The following CACNA1E variants were observed in gnomAD, a reference collection of about 807,000 sequenced individuals.
CACNA1E encodes the protein voltage-dependent R-type calcium channel subunit alpha-1E.
In CACNA1E, 40 loss-of-function variants were observed where a neutral mutation model predicts 259.2. The ratio of observed to expected loss-of-function variants is 0.15; its 90% CI spans 0.12 to 0.20. The LOEUF (loss-of-function observed/expected upper bound fraction) is 0.20. Among genes scored for constraint, CACNA1E ranks in the 10% least tolerant of loss-of-function variants. The probability of loss-of-function intolerance (pLI) is 1.00; values close to 1 mark genes in which losing one functional copy is unlikely to be tolerated. For synonymous variants in CACNA1E, 1,104 were observed against 1,138.5 expected, an observed-to-expected ratio of 0.97 and a Z score of 0.61; for missense variants, 1,874 against 3,040.1, an observed-to-expected ratio of 0.62 and a Z score of 9.02.
At chr1:181,682,776 C>T (rs934238790) in intron 7 of CACNA1E, among the ~76,000 whole-genome samples, 1 of 152,146 alleles carries the variant, frequency 6.6e-6, no homozygotes, top group African/African-American at 2.4e-5. Flanking sequence ...GGAGGTGCTA[C>T]ACACTTTTAA....
chr1:181,407,654 C>T (rs1248165515), intron 1 of CACNA1E, among the ~76,000 whole-genome samples: 4 of 152,198 alleles, frequency 2.6e-5, no homozygotes, highest in Non-Finnish European at 5.9e-5. Context: ...CCAGCTTTTA[C>T]TCCTCCTTTT....
chr1:181,509,149 G>A (rs1177963213), intron 1 of CACNA1E, among the ~76,000 whole-genome samples: 1 of 152,148 alleles, frequency 6.6e-6, no homozygotes, highest in Non-Finnish European at 1.5e-5. Flanking sequence ...CTCACACACA[G>A]CCAGCATCTC....
intron 22 of CACNA1E, among the ~76,000 whole-genome samples, chr1:181,736,922 G>A (rs939511067): frequency 4.6e-5 from 7 of 152,186 alleles, no homozygotes; most frequent in Non-Finnish European, 1.0e-4. Context: ...ATGAAGTGGG[G>A]GTGACAGAGC....
chr1:181,381,082 C>T (rs763692825), intron 1 of CACNA1E, among the ~76,000 whole-genome samples: 19 of 151,974 alleles, frequency 1.3e-4, no homozygotes, highest in Non-Finnish European at 2.4e-4. Context: ...AGGAGAATCG[C>T]TTGAACCCAG....
chr1:181,610,615 T>A (rs1045020237), intron 6 of CACNA1E, among the ~76,000 whole-genome samples: 1 of 152,246 alleles, frequency 6.6e-6, no homozygotes, highest in African/African-American at 2.4e-5. Context: ...CTTGTGAATT[T>A]GATCATCTAA....
At chr1:181,497,066 C>G (rs965403941) in intron 1 of CACNA1E, among the ~76,000 whole-genome samples, 9 of 152,122 alleles carry the variant, frequency 5.9e-5, no homozygotes, top group Non-Finnish European at 8.8e-5. Flanking sequence ...AGCACCCTCC[C>G]TTCTCATAGA....
chr1:181,679,889 G>A (rs767766305), intron 7 of CACNA1E, among the ~76,000 whole-genome samples: 8 of 152,054 alleles, frequency 5.3e-5, no homozygotes, highest in African/African-American at 1.7e-4. Context: ...GAGGCTGAGC[G>A]GGGAGAATCA....
intron 18 of CACNA1E, among the ~76,000 whole-genome samples, chr1:181,728,366 T>C (rs1264909371): frequency 6.6e-6 from 1 of 152,202 alleles, no homozygotes; most frequent in Non-Finnish European, 1.5e-5. Context: ...GCCGTGGGAA[T>C]TGAGCAGAGT....
upstream of CACNA1E, among the ~76,000 whole-genome samples, chr1:181,479,786 G>A (rs1192985642): frequency 6.6e-6 from 1 of 152,204 alleles, no homozygotes; most frequent in Non-Finnish European, 1.5e-5. Context: ...AAGAGCCGCA[G>A]ATTGGAAGTC....
chr1:181,368,947 A>G (rs1447823235), intron 1 of CACNA1E, among the ~76,000 whole-genome samples: 2 of 152,202 alleles, frequency 1.3e-5, no homozygotes, highest in African/African-American at 4.8e-5. Context: ...GATATATGCA[A>G]AGCACTGGGC....
At position 181,511,414 on chromosome 1, in the gene CACNA1E, C is replaced by G; in HGVS notation, c.416C>G (p.Ala139Gly). Residue 139 changes from alanine to glycine, a missense_variant, in exon 3 of 48, where the codon GCT becomes GGT. Physicochemically the swap from Ala to Gly is moderately conservative, Grantham distance 60. Around this residue, in one of 14 missense-constraint regions of CACNA1E, gnomAD observed 55 missense variants for 156.5 expected, o/e 0.35. Coordinates refer to ENST00000367573, the MANE Select transcript of CACNA1E (RefSeq NM_001205293.3). The part of the protein sequence containing the change: ...PYFIGIFCFE[A>G]GIKIVALGFI... Reference sequence around the variant, plus strand: ...TTCATTGGGATCTTTTGCTTTGAAGCTGGGATCAAAATTGTGGCCCTGGGG... The same window carrying G: ...TTCATTGGGATCTTTTGCTTTGAAGGTGGGATCAAAATTGTGGCCCTGGGG... 6.2e-7 allele frequency: 1 copy of G among 1,613,986 alleles called. No homozygotes were observed. Among genetic ancestry groups the G allele is most frequent in the Non-Finnish European group, 8.5e-7 (1 of 1,179,882 alleles).
intron 6 of CACNA1E, among the ~76,000 whole-genome samples, chr1:181,588,369 A>G (rs1315174646): frequency 1.3e-5 from 2 of 152,168 alleles, no homozygotes; most frequent in Admixed American, 6.5e-5. Context: ...TAAACCCTAC[A>G]GTGCCTTCTT....
chr1:181,683,710 T>C (rs896853487), intron 7 of CACNA1E, among the ~76,000 whole-genome samples: 1 of 152,244 alleles, frequency 6.6e-6, no homozygotes, highest in Admixed American at 6.5e-5. Context: ...TGTTTCTGCA[T>C]GAAGTCACTT....
At chr1:181,697,688 C>G (rs756999776) in intron 7 of CACNA1E, among the ~76,000 whole-genome samples, 5 of 152,172 alleles carry the variant, frequency 3.3e-5, no homozygotes, top group Non-Finnish European at 7.4e-5. Flanking sequence ...ATATAAAATA[C>G]AGCCATCAAT....
intron 20 of CACNA1E, 29 bp downstream of exon 20, chr1:181,733,063 A>C: frequency 6.5e-7 from 1 of 1,547,486 alleles, no homozygotes; most frequent in Non-Finnish European, 8.7e-7. Context: ...TCCCAGATGG[A>C]TGGCACACAG....
In CACNA1E at chr1:181,801,321, T is replaced by C. The variant is rs1452460976; in HGVS notation, c.*2487T>C. 6.6e-6 allele frequency: 1 copy of C among 152,530 alleles called. No individual in the cohort carries two copies. Among genetic ancestry groups the C allele is most frequent in the African/African-American group, 2.4e-5 (1 of 41,408 alleles). The allele number at this position is 152,530 out of a possible 1,614,324, so 9.4% of individuals were successfully genotyped here. On this transcript the variant is annotated 3_prime_UTR_variant, in exon 48 of 48. Coordinates refer to ENST00000367573, the MANE Select transcript of CACNA1E (RefSeq NM_001205293.3). ...AGAAATGGAATTTGCCTGCAAATAG[T>C]ATAAACAACACTAAATTTACTGTGC...
intron 3 of CACNA1E, among the ~76,000 whole-genome samples, chr1:181,574,918 G>A (rs776347168): frequency 4.6e-5 from 7 of 152,068 alleles, no homozygotes; most frequent in South Asian, 4.2e-4. Context: ...CCAGCTACTC[G>A]GGAGGCTGAG....
chr1:181,364,984 G>T (rs181072535), intron 1 of CACNA1E, among the ~76,000 whole-genome samples: 6 of 152,110 alleles, frequency 3.9e-5, no homozygotes, highest in Non-Finnish European at 8.8e-5. Flanking sequence ...GGAAGCGTTC[G>T]TTAGCCAAGC....
chr1:181,345,911 G>A lies in CACNA1E; in HGVS notation c.-15+27788G>A, dbSNP rs181644470. Among the ~76,000 whole-genome samples the A allele has an allele frequency of 5.7e-3, 862 of 152,298 alleles. 7 individuals carry two copies. The highest frequency in any genetic ancestry group is 7.8e-3 in the Non-Finnish European group (533 of 68,022). On this transcript the variant is annotated intron_variant, in intron 1 of 11. Transcript: ENST00000524607. Reference sequence around the variant, plus strand: ...ACAGGAAGGAGGGGCTGCAGGCACCGAGGGTGAGCTTCAGCTCCCCACAAC... The same window carrying A: ...ACAGGAAGGAGGGGCTGCAGGCACCAAGGGTGAGCTTCAGCTCCCCACAAC...
Sources: allele counts gnomAD v4.1 joint callset (sites outside exome capture counted in the v4.1 genomes callset), GRCh38; gene constraint gnomAD v4.1.1; regional missense constraint gnomAD v4.1.1; transcripts MANE v1.5; gene names NCBI Gene and HGNC (gene_info 2026-07-23, HGNC 2026-07-21).